The following ARSG variants were observed in gnomAD, a reference collection of about 807,000 sequenced individuals.
ARSG encodes ASG.
A neutral mutation model predicts 50.5 loss-of-function variants in ARSG; 37 were observed. That is an observed-to-expected ratio of 0.73 (90% CI 0.56 to 0.96). The LOEUF (loss-of-function observed/expected upper bound fraction) is 0.96, where lower values mean the gene tolerates loss of function less well. ARSG is among the 50% of genes least tolerant of loss of function. ARSG has a pLI of 0.00. For missense variants in ARSG, 629 were observed against 675.3 expected (o/e 0.93, Z 0.76); for synonymous variants, 225 against 254.6 (o/e 0.88, Z 1.11).
chr17:68,352,230 C>T (rs550472820), intron 5 of ARSG, among the ~76,000 whole-genome samples: 5 of 151,830 alleles, frequency 3.3e-5, no homozygotes, highest in South Asian at 2.1e-4. Context: ...AGCTTCTCCC[C>T]GCATGGACAA....
intron 11 of ARSG, among the ~76,000 whole-genome samples, chr17:68,414,497 G>C (rs1463480510): frequency 6.6e-6 from 1 of 151,940 alleles, no homozygotes; most frequent in Non-Finnish European, 1.5e-5. Flanking sequence ...TTTCTTTTTT[G>C]GTTATGTCCT....
intron 8 of ARSG, among the ~76,000 whole-genome samples, chr17:68,372,877 ATTTTTTTTTTTTTTTT>A (rs55668215): frequency 0.43 from 42,273 of 97,452 alleles, 7,127 homozygotes; most frequent in Middle Eastern, 0.54. Context: ...GGAAATGCTG[ATTTTTTTTTTTTTTTT>A]TTTTTTTTTT....
the ARSG span, among the ~76,000 whole-genome samples, chr17:68,433,760 G>GTTTTTTTTTTTT: frequency 1.9e-4 from 14 of 72,820 alleles, 2 homozygotes; most frequent in African/African-American, 7.2e-4. Flanking sequence ...AAGGGTCATA[G>GTTTTTTTTTTTT]TTTTTTTTTT....
intron 1 of ARSG, among the ~76,000 whole-genome samples, chr17:68,275,754 G>C (rs1555750676): frequency 1.3e-5 from 2 of 152,062 alleles, no homozygotes; most frequent in Admixed American, 6.6e-5. Flanking sequence ...GGCCGAAGCA[G>C]GTGGATCACG....
intron 5 of ARSG, among the ~76,000 whole-genome samples, chr17:68,352,889 CA>C (rs895992148): frequency 6.6e-6 from 1 of 151,452 alleles, no homozygotes; most frequent in Non-Finnish European, 1.5e-5. Context: ...TTTATGATCA[CA>C]AAAAAAAGAT....
chr17:68,277,235 G>A (rs1012965921), intron 1 of ARSG, among the ~76,000 whole-genome samples: 4 of 150,698 alleles, frequency 2.7e-5, no homozygotes, highest in South Asian at 4.2e-4. Flanking sequence ...AGGTTCACAC[G>A]ATTCTCCTAC....
chr17:68,343,270 T>C (rs1331211818), intron 2 of ARSG, among the ~76,000 whole-genome samples: 1 of 152,108 alleles, frequency 6.6e-6, no homozygotes, highest in Non-Finnish European at 1.5e-5. Context: ...AATTCTCCTG[T>C]CTCAGCCTCC....
At chr17:68,331,420 A>AT (rs1283363659) in intron 2 of ARSG, among the ~76,000 whole-genome samples, 1 of 151,764 alleles carries the variant, frequency 6.6e-6, no homozygotes, top group Non-Finnish European at 1.5e-5. Flanking sequence ...AATTTTTCGT[A>AT]TTTTTAGTAG....
At chr17:68,304,281 AG>A (rs1216769810) in intron 1 of ARSG, among the ~76,000 whole-genome samples, 1 of 152,234 alleles carries the variant, frequency 6.6e-6, no homozygotes, top group African/African-American at 2.4e-5. Context: ...CCTTGTGCTG[AG>A]GCTCTTTCTC....
the ARSG span, chr17:68,428,661 C>T: frequency 3.2e-4 from 186 of 586,138 alleles, no homozygotes; most frequent in Middle Eastern, 5.0e-3. Context: ...CTGAGGGCAC[C>T]TGACACAGAG....
rs1289508311 is a variant in ARSG at position 68,271,736 on chromosome 17, A to T, written c.-552+12310A>T. The T allele has an allele frequency of 7.7e-6, 8 of 1,035,438 alleles. No homozygotes were observed. The highest frequency in any genetic ancestry group is 9.9e-6 in the Non-Finnish European group (7 of 710,232). 64.1% of individuals were successfully genotyped at this position (1,035,438 alleles called of 1,614,324 possible). On this transcript the variant is annotated intron_variant, in intron 1 of 11. Transcript: ENST00000448504. The surrounding 1 kb of genome is among the most constrained non-coding windows in gnomAD (Gnocchi z 5.3). ...CCAGGAGAAGCCATCAAGAAGAAAT[A>T]TGGATCCAGATTTTGTTATAAGTTC...
At chr17:68,379,760 A>G (rs1183737485) in intron 8 of ARSG, 2 of 915,972 alleles carry the variant, frequency 2.2e-6, no homozygotes, top group Admixed American at 6.2e-5. Flanking sequence ...CTGTCGAATG[A>G]CATTCAGCAT....
downstream of ARSG, chr17:68,422,099 T>C (rs931018123): frequency 2.5e-6 from 1 of 404,554 alleles, no homozygotes; most frequent in Non-Finnish European, 4.6e-6. Context: ...AAGGCTCATC[T>C]TACTTGTAAA....
intron 1 of ARSG, among the ~76,000 whole-genome samples, chr17:68,270,075 A>G (rs1329670780): frequency 6.6e-6 from 1 of 152,200 alleles, no homozygotes; most frequent in Non-Finnish European, 1.5e-5. Context: ...CCCTCCTACA[A>G]GGAAATATTC....
chr17:68,332,810 A>G (rs1212061851), intron 2 of ARSG, among the ~76,000 whole-genome samples: 2 of 152,162 alleles, frequency 1.3e-5, no homozygotes, highest in East Asian at 1.9e-4. Context: ...CTGCATTTTC[A>G]TATTTTACTG....
intron 11 of ARSG, among the ~76,000 whole-genome samples, chr17:68,402,434 T>C (rs1476077714): frequency 1.3e-5 from 2 of 151,788 alleles, no homozygotes; most frequent in Admixed American, 1.3e-4. Context: ...TAGTAGAGAC[T>C]GTATTTCGTC....
In ARSG at chr17:68,381,256, C is replaced by T. The variant is rs1215004560; in HGVS notation, c.983-3808C>T. On this transcript the variant is annotated intron_variant, in intron 8 of 11. Transcript: ENST00000621439. This position sits in a 1 kb window ranked among gnomAD's most constrained non-coding sequence, Gnocchi z 4.1. Reference sequence around the variant, plus strand: ...GCATCATAAAATGCCACTTCACTTCCGTAACCAGAGAAGCACAAATAAGCA... The same window carrying T: ...GCATCATAAAATGCCACTTCACTTCTGTAACCAGAGAAGCACAAATAAGCA... Among the ~76,000 whole-genome samples, 4 of 152,216 alleles carry T rather than the reference C, an allele frequency of 2.6e-5. No homozygotes were observed. The highest frequency in any genetic ancestry group is 9.6e-5 in the African/African-American group (4 of 41,452).
At chr17:68,272,985 CTT>C (rs879965781) in intron 1 of ARSG, among the ~76,000 whole-genome samples, 3 of 144,622 alleles carry the variant, frequency 2.1e-5, no homozygotes, top group Admixed American at 7.0e-5. Flanking sequence ...AAAAATATAA[CTT>C]TTTTTTTTTT....
chr17:68,426,769 C>T (rs2083222443), downstream of ARSG, among the ~76,000 whole-genome samples: 1 of 152,152 alleles, frequency 6.6e-6, no homozygotes, highest in South Asian at 2.1e-4. Context: ...CCCTGGCCTC[C>T]AGTGATCCGC....
Sources: gnomAD v4.1 joint callset for allele counts (sites outside exome capture counted in the v4.1 genomes callset) on GRCh38, gnomAD v4.1.1 for gene constraint, Gnocchi (gnomAD v3.1) non-coding constraint, MANE v1.5 for transcripts, NCBI Gene and HGNC (gene_info 2026-07-23, HGNC 2026-07-21) for gene names.